The following SORCS2 variants were observed in gnomAD, a reference collection of about 807,000 sequenced individuals.
The protein encoded by SORCS2 is VPS10 domain-containing receptor SorCS2.
Under a neutral mutation model 141.6 loss-of-function variants are expected in SORCS2, and 100 were observed. The ratio of observed to expected loss-of-function variants is 0.71; its 90% CI spans 0.60 to 0.83. The LOEUF is 0.83. Ranked by LOEUF, SORCS2 falls within the 40% of genes least tolerant of loss-of-function variation. SORCS2 has a pLI of 0.00. For synonymous variants in SORCS2, 789 were observed against 676.9 expected (o/e 1.17, Z -2.57); for missense variants, 1,646 against 1,560.2 (o/e 1.05, Z -0.93).
chr4:7,693,012 C>G (rs1406630090), intron 11 of SORCS2, among the ~76,000 whole-genome samples: 1 of 152,174 alleles, frequency 6.6e-6, no homozygotes, highest in Non-Finnish European at 1.5e-5. Flanking sequence ...TTTTAACCCC[C>G]CGGTGGAGAA....
At chr4:7,532,895 GGA>G (rs534628849) in intron 3 of SORCS2, among the ~76,000 whole-genome samples, 141 of 152,242 alleles carry the variant, frequency 9.3e-4, no homozygotes, top group African/African-American at 3.2e-3. Flanking sequence ...GCAGAGGTGG[GGA>G]GGGCTACAGA....
intron 3 of SORCS2, among the ~76,000 whole-genome samples, chr4:7,553,281 T>C (rs1359488919): frequency 1.3e-5 from 2 of 152,188 alleles, no homozygotes; most frequent in Non-Finnish European, 2.9e-5. Flanking sequence ...AATCCTCATA[T>C]TCTGATTTTT....
At chr4:7,238,423 C>A (rs532652548) in intron 1 of SORCS2, among the ~76,000 whole-genome samples, 2 of 152,248 alleles carry the variant, frequency 1.3e-5, no homozygotes, top group African/African-American at 4.8e-5. Flanking sequence ...GCTGGTAGGG[C>A]TCCTAGGTCC....
At chr4:7,250,451 A>T (rs1249179163) in intron 1 of SORCS2, among the ~76,000 whole-genome samples, 2 of 152,196 alleles carry the variant, frequency 1.3e-5, no homozygotes, top group African/African-American at 4.8e-5. Flanking sequence ...TTCCAGAGAC[A>T]TTTCGTTGTG....
chr4:7,292,129 G>C lies in SORCS2; in HGVS notation c.480+99003G>C, dbSNP rs575483799. The stretch of plus-strand genomic sequence containing the variant: ...TCAGCTCTCTCCCGCTGATCTCCTG[G>C]GGAGAAAAGCTGGGTTGCCGCTTCA... On this transcript the variant is annotated intron_variant, in intron 1 of 26. Transcript: ENST00000507866. Among the ~76,000 whole-genome samples the C allele has an allele frequency of 2.6e-5, 4 of 152,316 alleles. No homozygotes were observed. The East Asian group carries it at 7.7e-4, about 29-fold the overall frequency.
In SORCS2 at chr4:7,292,067, C is replaced by G. The variant is rs574467300; in HGVS notation, c.480+98941C>G. 1.2e-3 allele frequency among the ~76,000 whole-genome samples: 190 copies of G among 152,326 alleles called. 2 individuals carry two copies. The highest frequency in any genetic ancestry group is 3.1e-4 in the Non-Finnish European group (21 of 68,028). On this transcript the variant is annotated intron_variant, in intron 1 of 26. Coordinates refer to ENST00000507866, the MANE Select transcript of SORCS2 (RefSeq NM_020777.3). ...CCTGGAGGGGACCGTCATGGGAAAC[C>G]AGACCAGCCTCACAGAAACTGAGCT...
intron 1 of SORCS2, among the ~76,000 whole-genome samples, chr4:7,245,302 C>T (rs1702834747): frequency 6.6e-6 from 1 of 152,242 alleles, no homozygotes; most frequent in African/African-American, 2.4e-5. Flanking sequence ...TTACCTGGAC[C>T]TGGTGCGCCA....
At chr4:7,396,940 C>G (rs904354967) in intron 2 of SORCS2, among the ~76,000 whole-genome samples, 1 of 152,160 alleles carries the variant, frequency 6.6e-6, no homozygotes, top group Non-Finnish European at 1.5e-5. Context: ...TTATCATCCT[C>G]CTCAATATTT....
At chr4:7,371,169 G>C (rs1294528161) in intron 1 of SORCS2, among the ~76,000 whole-genome samples, 2 of 152,220 alleles carry the variant, frequency 1.3e-5, no homozygotes, top group Non-Finnish European at 2.9e-5. Flanking sequence ...GTGGGTGCAG[G>C]TGTCCCCCTC....
chr4:7,436,179 C>T (rs1367953001), intron 2 of SORCS2, among the ~76,000 whole-genome samples: 1 of 152,216 alleles, frequency 6.6e-6, no homozygotes, highest in Non-Finnish European at 1.5e-5. Flanking sequence ...ACAGGTGAGC[C>T]TGGGTGTGCT....
chr4:7,740,320 C>A lies in SORCS2; in HGVS notation c.*56C>A. ...GGAGGGCACAGAACCACCAGCAAAG[C>A]CGGCGGCTGGACTGGCGCCCCTCAG... On this transcript the variant is annotated 3_prime_UTR_variant, in exon 27 of 27. Transcript: ENST00000507866. 6.5e-7 allele frequency: 1 copy of A among 1,537,604 alleles called. No individual in the cohort carries two copies. Among genetic ancestry groups the A allele is most frequent in the Non-Finnish European group, 8.9e-7 (1 of 1,126,330 alleles).
intron 3 of SORCS2, among the ~76,000 whole-genome samples, chr4:7,573,226 A>T (rs1715512738): frequency 6.6e-6 from 1 of 152,220 alleles, no homozygotes; most frequent in African/African-American, 2.4e-5. Flanking sequence ...AACTTCAACA[A>T]GCACACAAGA....
At chr4:7,645,187 T>C (rs1486115849) in intron 4 of SORCS2, among the ~76,000 whole-genome samples, 1 of 152,156 alleles carries the variant, frequency 6.6e-6, no homozygotes, top group Non-Finnish European at 1.5e-5. Flanking sequence ...CCTCCTGATA[T>C]GGTAAACTGA....
At chr4:7,612,291 T>G (rs1718457576) in intron 3 of SORCS2, among the ~76,000 whole-genome samples, 1 of 152,034 alleles carries the variant, frequency 6.6e-6, no homozygotes, top group East Asian at 1.9e-4. Flanking sequence ...GGCTTGGGTC[T>G]GGGGGGAAGG....
chr4:7,545,115 A>G (rs1049334206), intron 3 of SORCS2, among the ~76,000 whole-genome samples: 1 of 148,718 alleles, frequency 6.7e-6, no homozygotes, highest in African/African-American at 2.5e-5. Context: ...CTTAAAGTCA[A>G]TAGGTTATTG....
intron 3 of SORCS2, among the ~76,000 whole-genome samples, chr4:7,589,054 T>G (rs958424816): frequency 2.0e-5 from 3 of 152,170 alleles, no homozygotes; most frequent in Admixed American, 6.5e-5. Flanking sequence ...GGGGACACAG[T>G]GAGCTGCCGG....
intron 2 of SORCS2, among the ~76,000 whole-genome samples, chr4:7,528,448 C>T (rs369048318): frequency 1.9e-4 from 29 of 151,690 alleles, no homozygotes; most frequent in East Asian, 1.4e-3. Context: ...TGTTTTTAGA[C>T]GGAGTCTTGC....
At chr4:7,565,199 A>G (rs561434057) in intron 3 of SORCS2, among the ~76,000 whole-genome samples, 33 of 152,186 alleles carry the variant, frequency 2.2e-4, no homozygotes, top group Non-Finnish European at 4.0e-4. Flanking sequence ...ATAAATGACT[A>G]GTCCCTGAAG....
In SORCS2 at chr4:7,233,190, C is replaced by A. The variant is rs533859793; in HGVS notation, c.480+40064C>A. Among the ~76,000 whole-genome samples, 14 of 152,052 alleles carry A rather than the reference C, an allele frequency of 9.2e-5. No individual in the cohort carries two copies. Among genetic ancestry groups the A allele is most frequent in the Admixed American group, 3.9e-4 (6 of 15,272 alleles). Reference sequence around the variant, plus strand: ...GTACTGTCACTGCAGGCAGCAGGAACGGCACGGCAGAGGGAGCCTTCCAGA... The same window carrying A: ...GTACTGTCACTGCAGGCAGCAGGAAAGGCACGGCAGAGGGAGCCTTCCAGA... On this transcript the variant is annotated intron_variant, in intron 1 of 26. Coordinates refer to ENST00000507866, the MANE Select transcript of SORCS2 (RefSeq NM_020777.3). This position sits in a 1 kb window ranked among gnomAD's most constrained non-coding sequence, Gnocchi z 4.5.
Sources: allele counts gnomAD v4.1 joint callset (sites outside exome capture counted in the v4.1 genomes callset), GRCh38; gene constraint gnomAD v4.1.1; non-coding constraint Gnocchi (gnomAD v3.1); transcripts MANE v1.5; gene names NCBI Gene and HGNC (gene_info 2026-07-23, HGNC 2026-07-21).